Variants in ANKRD55 observed in about 807,000 individuals in gnomAD.
ANKRD55 encodes the protein ankyrin repeat domain 55.
ANKRD55 carries 41 observed loss-of-function variants against 60.6 expected under a neutral mutation model. The ratio of observed to expected loss-of-function variants is 0.68; its 90% CI spans 0.53 to 0.88. The LOEUF (loss-of-function observed/expected upper bound fraction) is 0.88, where lower values mean the gene tolerates loss of function less well. Among genes scored for constraint, ANKRD55 ranks in the 40% least tolerant of loss-of-function variants. ANKRD55 has a pLI of 0.00. For synonymous variants in ANKRD55, 264 were observed against 290.3 expected (o/e 0.91, Z 0.92); for missense variants, 732 against 767.6 (o/e 0.95, Z 0.55).
chr5:56,117,368 C>T (rs1343313747), intron 8 of ANKRD55, among the ~76,000 whole-genome samples: 2 of 152,116 alleles, frequency 1.3e-5, no homozygotes, highest in East Asian at 1.9e-4. Flanking sequence ...TGTATGTGCT[C>T]TTTATATTAA....
intron 4 of ANKRD55, among the ~76,000 whole-genome samples, chr5:56,171,631 G>A (rs938080293): frequency 6.6e-6 from 1 of 152,128 alleles, no homozygotes; most frequent in South Asian, 2.1e-4. Context: ...AATGGCTTGG[G>A]TTATTTGCCC....
intron 5 of ANKRD55, among the ~76,000 whole-genome samples, chr5:56,166,158 T>TTTCTTTCTTAC: frequency 1.4e-5 from 1 of 72,460 alleles, no homozygotes; most frequent in Non-Finnish European, 2.6e-5. Flanking sequence ...TTCTTTCTTC[T>TTTCTTTCTTAC]TTCCTTCCTT....
chr5:56,202,646 G>A (rs982221734), intron 2 of ANKRD55, among the ~76,000 whole-genome samples: 3 of 152,184 alleles, frequency 2.0e-5, no homozygotes, highest in Non-Finnish European at 4.4e-5. Flanking sequence ...CCTTCATACC[G>A]TGGGAGTGGA....
At chr5:56,143,631 A>G (rs1008163788) in intron 7 of ANKRD55, among the ~76,000 whole-genome samples, 170 bp downstream of exon 7, 4 of 152,190 alleles carry the variant, frequency 2.6e-5, no homozygotes, top group East Asian at 3.8e-4. Flanking sequence ...GCTCTGCTTG[A>G]TATTTTATAA....
chr5:56,158,450 A>AGT (rs971374932), intron 6 of ANKRD55, among the ~76,000 whole-genome samples: 9 of 152,366 alleles, frequency 5.9e-5, no homozygotes, highest in African/African-American at 2.2e-4. Flanking sequence ...AAGGAAAATT[A>AGT]GTACTGCATT....
intron 6 of ANKRD55, among the ~76,000 whole-genome samples, chr5:56,150,898 CAATA>C (rs929555827): frequency 6.6e-6 from 1 of 152,126 alleles, no homozygotes. Context: ...GACTCCGTCT[CAATA>C]AATAAATAAA....
chr5:56,171,834 G>A (rs945531256), intron 4 of ANKRD55, among the ~76,000 whole-genome samples: 5 of 152,168 alleles, frequency 3.3e-5, no homozygotes, highest in Non-Finnish European at 5.9e-5. Context: ...AAATCAAAAT[G>A]TTGTCTGGGC....
At chr5:56,189,406 C>T (rs1274499192) in intron 2 of ANKRD55, among the ~76,000 whole-genome samples, 1 of 151,914 alleles carries the variant, frequency 6.6e-6, no homozygotes, top group Non-Finnish European at 1.5e-5. Context: ...TGTCCATTCA[C>T]ACTGTTGTGT....
In ANKRD55 at chr5:56,141,393, T is replaced by G. The variant is rs1757762779; in HGVS notation, c.612+2408A>C. On this transcript the variant is annotated intron_variant, in intron 7 of 11. Transcript: ENST00000341048. ...CTGGGATTATAGGCACATGCCATTA[T>G]GCCCAGCTCCAGTTTTGAAAAATAT... 2.6e-5 allele frequency among the ~76,000 whole-genome samples: 4 copies of G among 152,298 alleles called. No individual in the cohort carries two copies. In the South Asian group the frequency reaches 8.3e-4, roughly 32 times the overall value.
At chr5:56,225,477 C>T (rs951665233) in intron 2 of ANKRD55, among the ~76,000 whole-genome samples, 19 of 152,204 alleles carry the variant, frequency 1.2e-4, no homozygotes, top group East Asian at 3.9e-4. Flanking sequence ...TTGGAAGTTC[C>T]GGCCAAGGCA....
chr5:56,204,378 T>C (rs940123643), intron 2 of ANKRD55, among the ~76,000 whole-genome samples: 1 of 152,234 alleles, frequency 6.6e-6, no homozygotes, highest in Non-Finnish European at 1.5e-5. Context: ...GCTTTTGGTG[T>C]TTTAGACATG....
chr5:56,170,006 A>C (rs1758570894), intron 5 of ANKRD55, among the ~76,000 whole-genome samples: 1 of 152,216 alleles, frequency 6.6e-6, no homozygotes, highest in African/African-American at 2.4e-5. Context: ...TTCATTGCTC[A>C]GTTATCTTAC....
intron 2 of ANKRD55, among the ~76,000 whole-genome samples, chr5:56,188,286 C>A (rs1269965317): frequency 5.9e-5 from 9 of 152,044 alleles, no homozygotes; most frequent in African/African-American, 2.2e-4. Flanking sequence ...CTGGAAGCCA[C>A]CTGGTGACAT....
At chr5:56,226,217 A>C (rs925132410) in intron 2 of ANKRD55, among the ~76,000 whole-genome samples, 1 of 152,208 alleles carries the variant, frequency 6.6e-6, no homozygotes, top group African/African-American at 2.4e-5. Context: ...ATCTGACAAA[A>C]ACAAGAAATG....
chr5:56,159,738 C>G (rs1056347232), intron 6 of ANKRD55, 95 bp downstream of exon 6: 1 of 1,233,782 alleles, frequency 8.1e-7, no homozygotes, highest in East Asian at 2.3e-5. Flanking sequence ...CATGTCTCCC[C>G]GTAGCTTTTA....
chr5:56,226,983 A>T (rs910338449), intron 2 of ANKRD55, among the ~76,000 whole-genome samples: 3 of 152,200 alleles, frequency 2.0e-5, no homozygotes, highest in African/African-American at 7.2e-5. Context: ...CCATCCCATT[A>T]CTGGGTATAT....
chr5:56,132,202 A>G (rs1265527812), intron 7 of ANKRD55, among the ~76,000 whole-genome samples: 1 of 152,064 alleles, frequency 6.6e-6, no homozygotes, highest in African/African-American at 2.4e-5. Flanking sequence ...TACTTGGTAT[A>G]CTCTAGGGCA....
At position 56,105,840 on chromosome 5, in the gene ANKRD55, G is replaced by A. The variant is rs547707245; in HGVS notation, c.1631-3254C>T. Among the ~76,000 whole-genome samples the A allele has an allele frequency of 1.7e-3, 255 of 152,328 alleles. 2 individuals carry two copies. Among genetic ancestry groups the A allele is most frequent in the African/African-American group, 5.9e-3 (244 of 41,580 alleles). On this transcript the variant is annotated intron_variant, in intron 10 of 11. Transcript: ENST00000341048. ...GGCTGAGATAGTCTAGAAAATTCTA[G>A]AGAAGGAAGCTCTCTTTTGCAGGAG...
rs973450846 is a variant in ANKRD55, at chr5:56,102,660, G to C, written c.1631-74C>G. 7 of 1,020,756 alleles carry C rather than the reference G, an allele frequency of 6.9e-6. No homozygotes were observed. In the African/African-American group the frequency reaches 1.1e-4, roughly 16 times the overall value. 63.2% of individuals were successfully genotyped at this position (1,020,756 alleles called of 1,614,324 possible). ...AAATTACAGAATGCAATGGATAAGA[G>C]AATCATCAAAGTTGTTACAGATCAC... On this transcript the variant is annotated intron_variant, in intron 10 of 11. Coordinates refer to ENST00000341048, the MANE Select transcript of ANKRD55 (RefSeq NM_024669.3).
Sources: allele counts gnomAD v4.1 joint callset (sites outside exome capture counted in the v4.1 genomes callset), GRCh38; gene constraint gnomAD v4.1.1; transcripts MANE v1.5; gene names NCBI Gene and HGNC (gene_info 2026-07-23, HGNC 2026-07-21).